COMMD10: variants seen among roughly 807,000 people sequenced by gnomAD.
COMMD10 encodes the protein COMM domain-containing protein 10.
A neutral mutation model predicts 28.9 loss-of-function variants in COMMD10; 33 were observed. The ratio of observed to expected loss-of-function variants is 1.14; its 90% CI spans 0.87 to 1.53. COMMD10 has a LOEUF of 1.53. Among genes scored for constraint, COMMD10 ranks in the 40% most tolerant of loss-of-function variants. COMMD10 has a pLI of 0.00. For missense variants in COMMD10, 310 were observed against 233.4 expected, an observed-to-expected ratio of 1.33 and a Z score of -2.14; for synonymous variants, 110 against 81.7, an observed-to-expected ratio of 1.35 and a Z score of -1.87.
At position 116,241,539 on chromosome 5, in the gene COMMD10, G is replaced by C. The variant is rs184796478; in HGVS notation, c.511-49978G>C. ...AGAAGAATAAAATACAAGCTGTCTA[G>C]TTCTTAATATGGTAAAACTCTCTAT... On this transcript the variant is annotated intron_variant, in intron 5 of 6. Transcript: ENST00000274458. 9.9e-5 allele frequency among the ~76,000 whole-genome samples: 15 copies of C among 151,872 alleles called. No individual in the cohort carries two copies. The East Asian group carries it at 2.9e-3, about 29-fold the overall frequency.
chr5:116,233,727 A>G (rs1311321974), intron 5 of COMMD10, among the ~76,000 whole-genome samples: 1 of 152,150 alleles, frequency 6.6e-6, no homozygotes, highest in African/African-American at 2.4e-5. Context: ...CTGAGAAGAA[A>G]GTGAGCTTGG....
intron 5 of COMMD10, among the ~76,000 whole-genome samples, chr5:116,198,078 G>GT (rs1191220255): frequency 2.0e-5 from 3 of 151,940 alleles, no homozygotes; most frequent in Admixed American, 6.6e-5. Context: ...CATAATTTTT[G>GT]TTTTTTTAAA....
intron 5 of COMMD10, among the ~76,000 whole-genome samples, chr5:116,212,987 A>G (rs994222954): frequency 6.6e-6 from 1 of 152,104 alleles, no homozygotes; most frequent in Admixed American, 6.6e-5. Context: ...TTGTCTCTGT[A>G]AATTACACAA....
chr5:116,263,041 T>C (rs952978255), intron 5 of COMMD10, among the ~76,000 whole-genome samples: 1 of 151,872 alleles, frequency 6.6e-6, no homozygotes, highest in African/African-American at 2.4e-5. Flanking sequence ...TTTAATAGTT[T>C]GCTTATTTGG....
chr5:116,190,090 A>T lies in COMMD10; in HGVS notation c.510+55912A>T, dbSNP rs574339588. On this transcript the variant is annotated intron_variant, in intron 5 of 6. Transcript: ENST00000274458. ...ATTGGTTGAGATTGGATGAGTATAT[A>T]TCAGGGTACCTCCACTGAAAGATAG... Among the ~76,000 whole-genome samples the T allele has an allele frequency of 7.2e-5, 11 of 152,282 alleles. 1 individual carries two copies. The South Asian group carries it at 2.1e-3, about 29-fold the overall frequency.
intron 5 of COMMD10, among the ~76,000 whole-genome samples, chr5:116,245,640 C>A (rs1749929353): frequency 6.6e-6 from 1 of 152,104 alleles, no homozygotes; most frequent in African/African-American, 2.4e-5. Flanking sequence ...AGCTTACCCA[C>A]CCCCATCAAG....
chr5:116,165,482 C>G (rs779675420), intron 5 of COMMD10, among the ~76,000 whole-genome samples: 1 of 152,094 alleles, frequency 6.6e-6, no homozygotes, highest in East Asian at 1.9e-4. Context: ...TCTCACAGTT[C>G]TGGAAGAAAG....
At chr5:116,120,612 C>G (rs1751399067) in intron 4 of COMMD10, among the ~76,000 whole-genome samples, 1 of 152,158 alleles carries the variant, frequency 6.6e-6, no homozygotes, top group Non-Finnish European at 1.5e-5. Flanking sequence ...AACCCCTGCT[C>G]TACATTCTGT....
At chr5:116,192,432 G>A (rs976773510) in intron 5 of COMMD10, among the ~76,000 whole-genome samples, 1 of 151,988 alleles carries the variant, frequency 6.6e-6, no homozygotes, top group Non-Finnish European at 1.5e-5. Flanking sequence ...TACAAGAAGT[G>A]AAGGGGGAAA....
chr5:116,127,868 A>G lies in COMMD10; in HGVS notation c.400-6200A>G, dbSNP rs530144275. Among the ~76,000 whole-genome samples the G allele has an allele frequency of 3.3e-5, 5 of 152,240 alleles. No individual in the cohort carries two copies. In the South Asian group the frequency reaches 6.2e-4, roughly 19 times the overall value. On this transcript the variant is annotated intron_variant, in intron 4 of 6. Transcript: ENST00000274458. ...TGCAGCACACCAACATGGCACATGT[A>G]TACATATGTCACAAACCTGCACGTT...
chr5:116,183,182 A>C (rs1748029152), intron 5 of COMMD10, among the ~76,000 whole-genome samples: 1 of 152,176 alleles, frequency 6.6e-6, no homozygotes. Flanking sequence ...GAACCTAGAA[A>C]TAAATTACCA....
chr5:116,246,436 C>G (rs1749953404), intron 5 of COMMD10, among the ~76,000 whole-genome samples: 1 of 151,740 alleles, frequency 6.6e-6, no homozygotes, highest in Non-Finnish European at 1.5e-5. Context: ...AGTGCTATTC[C>G]TATTAAACCT....
chr5:116,239,042 A>G (rs1047903466), intron 5 of COMMD10, among the ~76,000 whole-genome samples: 2 of 152,190 alleles, frequency 1.3e-5, no homozygotes, highest in Non-Finnish European at 2.9e-5. Context: ...TATGTCTTCT[A>G]TTGAAGAGCT....
intron 5 of COMMD10, among the ~76,000 whole-genome samples, chr5:116,166,644 G>A (rs1262004226): frequency 6.6e-6 from 1 of 152,162 alleles, no homozygotes; most frequent in Non-Finnish European, 1.5e-5. Flanking sequence ...TCCAGAGGAA[G>A]GAACAGGCAG....
chr5:116,102,022 A>G (rs547884266), intron 4 of COMMD10, among the ~76,000 whole-genome samples: 20 of 152,196 alleles, frequency 1.3e-4, no homozygotes, highest in African/African-American at 4.8e-4. Flanking sequence ...TCTATGTACT[A>G]TGTTGATTAT....
chr5:116,153,978 T>C (rs865960126), intron 5 of COMMD10, among the ~76,000 whole-genome samples: 39 of 152,116 alleles, frequency 2.6e-4, no homozygotes, highest in Admixed American at 1.9e-3. Flanking sequence ...TAAAATAGAA[T>C]CCATACTGGA....
chr5:116,256,327 A>G lies in COMMD10; in HGVS notation c.511-35190A>G, dbSNP rs28391723. 6.2e-3 allele frequency among the ~76,000 whole-genome samples: 934 copies of G among 151,812 alleles called. 24 individuals are homozygous for G. Among genetic ancestry groups the G allele is most frequent in the African/African-American group, 0.021 (882 of 41,240 alleles). ...TTTGGGGTTGTTGAGTATATGAAGA[A>G]TATTATTTTTCTGTGTCTGACAGTC... On this transcript the variant is annotated intron_variant, in intron 5 of 6. Coordinates refer to ENST00000274458, the MANE Select transcript of COMMD10 (RefSeq NM_016144.4).
intron 5 of COMMD10, among the ~76,000 whole-genome samples, chr5:116,254,673 T>C (rs1483356608): frequency 2.6e-5 from 4 of 151,900 alleles, no homozygotes; most frequent in African/African-American, 7.3e-5. Context: ...TAGTTTGTTA[T>C]AATTTCTGAT....
chr5:116,261,190 G>C (rs1413589806), intron 5 of COMMD10, among the ~76,000 whole-genome samples: 1 of 151,684 alleles, frequency 6.6e-6, no homozygotes, highest in African/African-American at 2.4e-5. Flanking sequence ...TACCTAATTT[G>C]CCAATATAAC....
Sources: allele counts gnomAD v4.1 joint callset (sites outside exome capture counted in the v4.1 genomes callset), GRCh38; gene constraint gnomAD v4.1.1; transcripts MANE v1.5; gene names NCBI Gene and HGNC (gene_info 2026-07-23, HGNC 2026-07-21).